Variants in PLCB4 observed in about 807,000 individuals in gnomAD.
PLCB4 encodes phospholipase C beta 4, also known as 1-phosphatidylinositol 4,5-bisphosphate phosphodiesterase beta-4.
In PLCB4, 77 loss-of-function variants were observed where a neutral mutation model predicts 178.8. The ratio of observed to expected loss-of-function variants is 0.43; its 90% CI spans 0.36 to 0.52. The LOEUF is 0.52. PLCB4 is among the 20% of genes least tolerant of loss of function. PLCB4 has a pLI of 0.00. For synonymous variants in PLCB4, 496 were observed against 490.8 expected, an observed-to-expected ratio of 1.01 and a Z score of -0.14; for missense variants, 1,024 against 1,453.4, an observed-to-expected ratio of 0.70 and a Z score of 4.80.
chr20:9,176,611 A>G (rs2093159493), intron 2 of PLCB4, among the ~76,000 whole-genome samples: 1 of 152,216 alleles, frequency 6.6e-6, no homozygotes, highest in Admixed American at 6.5e-5. Context: ...GGAAATGTAT[A>G]CATATTTTAT....
intron 7 of PLCB4, among the ~76,000 whole-genome samples, chr20:9,342,132 C>G (rs538070514): frequency 6.6e-6 from 1 of 152,228 alleles, no homozygotes; most frequent in Non-Finnish European, 1.5e-5. Flanking sequence ...ACCATATTTA[C>G]CACCTTCAGC....
chr20:9,222,438 T>C (rs556362559), intron 3 of PLCB4, among the ~76,000 whole-genome samples: 1 of 145,758 alleles, frequency 6.9e-6, no homozygotes, highest in South Asian at 2.1e-4. Context: ...TTCATGATTG[T>C]TCACCTGATG....
rs147620612 is a variant in PLCB4, at chr20:9,437,497, A to G, written c.2764+345A>G. On this transcript the variant is annotated intron_variant, in intron 30 of 39. Coordinates refer to ENST00000378473, the MANE Select transcript of PLCB4 (RefSeq NM_001377142.1). ...CATGTGCTTACCTGTAGATGAAACA[A>G]AAGATCATTAAGAGGTGGCATCACA... Among the ~76,000 whole-genome samples the G allele has an allele frequency of 5.9e-5, 9 of 152,370 alleles. No homozygotes were observed. The East Asian group carries it at 1.7e-3, about 29-fold the overall frequency.
chr20:9,201,879 T>G (rs1362981413), intron 2 of PLCB4, among the ~76,000 whole-genome samples: 1 of 152,210 alleles, frequency 6.6e-6, no homozygotes, highest in Non-Finnish European at 1.5e-5. Flanking sequence ...ATGCCACTTG[T>G]GGGTATTTAC....
chr20:9,334,594 C>T (rs1172065131), intron 4 of PLCB4, among the ~76,000 whole-genome samples: 2 of 152,012 alleles, frequency 1.3e-5, no homozygotes, highest in Non-Finnish European at 2.9e-5. Context: ...AAATAGACTT[C>T]GTTTTTTGGC....
intron 4 of PLCB4, among the ~76,000 whole-genome samples, chr20:9,324,212 C>G (rs1014502034): frequency 2.6e-5 from 4 of 151,084 alleles, no homozygotes; most frequent in Middle Eastern, 3.5e-3. Flanking sequence ...AAAGAAAGGC[C>G]AGGCATAGTG....
chr20:9,366,078 G>A (rs1367503354), intron 9 of PLCB4, among the ~76,000 whole-genome samples: 1 of 152,150 alleles, frequency 6.6e-6, no homozygotes, highest in South Asian at 2.1e-4. Flanking sequence ...CCTGATGCAG[G>A]TAACAATGAC....
intron 13 of PLCB4, among the ~76,000 whole-genome samples, chr20:9,383,395 T>A (rs1390853806): frequency 6.6e-6 from 1 of 152,204 alleles, no homozygotes; most frequent in Non-Finnish European, 1.5e-5. Context: ...TATGCTATCA[T>A]CTGAACACTT....
chr20:9,182,089 G>A (rs2093255779), intron 2 of PLCB4, among the ~76,000 whole-genome samples: 1 of 152,128 alleles, frequency 6.6e-6, no homozygotes, highest in Non-Finnish European at 1.5e-5. Context: ...CCTGGCCCGT[G>A]GAAAATGTTC....
At chr20:9,325,876 A>G (rs1355489106) in intron 4 of PLCB4, among the ~76,000 whole-genome samples, 2 of 152,040 alleles carry the variant, frequency 1.3e-5, no homozygotes, top group South Asian at 2.1e-4. Flanking sequence ...AATACCATAC[A>G]CTCGGCAGCT....
chr20:9,366,155 C>T (rs575739489), intron 9 of PLCB4, among the ~76,000 whole-genome samples: 15 of 150,786 alleles, frequency 9.9e-5, no homozygotes, highest in African/African-American at 2.9e-4. Context: ...TTTGGGAGGC[C>T]GCAGCGGGTG....
intron 2 of PLCB4, among the ~76,000 whole-genome samples, chr20:9,130,523 TAGAC>T (rs1396759512): frequency 2.0e-5 from 3 of 152,194 alleles, no homozygotes; most frequent in Admixed American, 2.0e-4. Context: ...CTACAGAAAA[TAGAC>T]AGTAATGTCA....
At chr20:9,260,526 A>G (rs2094286414) in intron 3 of PLCB4, among the ~76,000 whole-genome samples, 1 of 152,152 alleles carries the variant, frequency 6.6e-6, no homozygotes, top group South Asian at 2.1e-4. Context: ...ATAGAGTGAC[A>G]TCATGTTAAT....
intron 3 of PLCB4, among the ~76,000 whole-genome samples, chr20:9,291,652 C>T (rs1439733267): frequency 6.6e-6 from 1 of 152,144 alleles, no homozygotes; most frequent in African/African-American, 2.4e-5. Context: ...AGTTCCATCT[C>T]TGTACTTACT....
chr20:9,315,421 A>G (rs548922835), intron 4 of PLCB4, among the ~76,000 whole-genome samples: 1 of 152,358 alleles, frequency 6.6e-6, no homozygotes, highest in South Asian at 2.1e-4. Flanking sequence ...TTGGGAGTGT[A>G]TGGTCCAGCG....
At chr20:9,464,701 G>C (rs1320360083) in intron 35 of PLCB4, among the ~76,000 whole-genome samples, 1 of 151,996 alleles carries the variant, frequency 6.6e-6, no homozygotes, top group African/African-American at 2.4e-5. Flanking sequence ...ATAAATTCCT[G>C]GACACATACA....
At chr20:9,309,514 T>A (rs2147880972) in intron 4 of PLCB4, among the ~76,000 whole-genome samples, 1 of 152,288 alleles carries the variant, frequency 6.6e-6, no homozygotes, top group South Asian at 2.1e-4. Context: ...ATGTTCTGAG[T>A]TTCTTGAAGT....
intron 2 of PLCB4, among the ~76,000 whole-genome samples, chr20:9,202,617 C>G (rs570481116): frequency 2.0e-5 from 3 of 152,186 alleles, no homozygotes; most frequent in Admixed American, 6.5e-5. Context: ...CCCACATTCT[C>G]CCAGAAGCAG....
intron 3 of PLCB4, among the ~76,000 whole-genome samples, chr20:9,272,958 A>G (rs1473176058): frequency 6.8e-6 from 1 of 146,418 alleles, no homozygotes; most frequent in African/African-American, 2.5e-5. Flanking sequence ...GGTACTTTCT[A>G]TATTTTGTTT....
Sources: gnomAD v4.1 joint callset for allele counts (sites outside exome capture counted in the v4.1 genomes callset) on GRCh38, gnomAD v4.1.1 for gene constraint, MANE v1.5 for transcripts, NCBI Gene and HGNC (gene_info 2026-07-23, HGNC 2026-07-21) for gene names.